The following GMPR variants were observed in gnomAD, a reference collection of about 807,000 sequenced individuals.
The protein encoded by GMPR is guanosine monophosphate reductase.
GMPR carries 31 observed loss-of-function variants against 38.4 expected under a neutral mutation model. That is an observed-to-expected ratio of 0.81 (90% CI 0.61 to 1.09). The LOEUF is 1.09. GMPR is among the 50% of genes least tolerant of loss of function. The probability of loss-of-function intolerance (pLI) is 0.00; values close to 1 mark genes in which losing one functional copy is unlikely to be tolerated. For missense variants in GMPR, 468 were observed against 453.7 expected (o/e 1.03, Z -0.29); for synonymous variants, 162 against 173.3 (o/e 0.93, Z 0.51).
chr6:16,285,046 A>C (rs1334257594), intron 6 of GMPR, among the ~76,000 whole-genome samples: 2 of 148,242 alleles, frequency 1.3e-5, no homozygotes, highest in Non-Finnish European at 3.0e-5. Flanking sequence ...AAAAAAAAAA[A>C]CAGAAAAGAA....
chr6:16,264,729 G>C (rs1213589441), intron 4 of GMPR, among the ~76,000 whole-genome samples: 3 of 152,138 alleles, frequency 2.0e-5, no homozygotes, highest in African/African-American at 7.2e-5. Context: ...GATGAGCCAG[G>C]AGAAGGAATT....
At chr6:16,267,928 T>A (rs188363976) in intron 4 of GMPR, among the ~76,000 whole-genome samples, 1 of 152,368 alleles carries the variant, frequency 6.6e-6, no homozygotes, top group East Asian at 1.9e-4. Flanking sequence ...GCATGACTGA[T>A]GGCTCATTGG....
chr6:16,292,034 G>T (rs1759848825), intron 8 of GMPR, among the ~76,000 whole-genome samples: 1 of 152,170 alleles, frequency 6.6e-6, no homozygotes, highest in South Asian at 2.1e-4. Context: ...CAGGAGCAAA[G>T]GTTCTCCATC....
At chr6:16,239,707 CATAA>C (rs1174177301) in intron 1 of GMPR, among the ~76,000 whole-genome samples, 1 of 152,238 alleles carries the variant, frequency 6.6e-6, no homozygotes, top group Admixed American at 6.5e-5. Flanking sequence ...CAAACAAGAC[CATAA>C]ATAAATCCCC....
At chr6:16,285,732 G>C (rs1234476771) in intron 6 of GMPR, 61 bp from the exon 7 acceptor site, 1 of 1,413,714 alleles carries the variant, frequency 7.1e-7, no homozygotes, top group East Asian at 2.3e-5. Flanking sequence ...TCTGGGGGGA[G>C]GGGACAGCCT....
intron 4 of GMPR, among the ~76,000 whole-genome samples, chr6:16,260,534 G>T (rs1399624988): frequency 6.6e-6 from 1 of 151,998 alleles, no homozygotes; most frequent in Non-Finnish European, 1.5e-5. Context: ...GCAAATCCTC[G>T]AGCTTGATGT....
chr6:16,265,914 T>C (rs1171034221), intron 4 of GMPR, among the ~76,000 whole-genome samples: 2 of 152,148 alleles, frequency 1.3e-5, no homozygotes, highest in African/African-American at 4.8e-5. Context: ...AGATGTGCAG[T>C]TTCACTCCTG....
chr6:16,275,294 C>T (rs1759453788), intron 5 of GMPR, among the ~76,000 whole-genome samples: 1 of 152,130 alleles, frequency 6.6e-6, no homozygotes, highest in African/African-American at 2.4e-5. Context: ...ATCTCATACC[C>T]AAATGACACT....
chr6:16,290,373 A>G (rs1318759475), intron 7 of GMPR, 89 bp from the exon 8 acceptor site: 2 of 1,180,958 alleles, frequency 1.7e-6, no homozygotes, highest in Non-Finnish European at 2.5e-6. Context: ...GAGGGAGGTG[A>G]ACTGGGCAAG....
At position 16,265,807 on chromosome 6, in the gene GMPR, C is replaced by G. The variant is rs183915356; in HGVS notation, c.466-8608C>G. Among the ~76,000 whole-genome samples, 196 of 152,356 alleles carry G rather than the reference C, an allele frequency of 1.3e-3. 1 individual carries two copies. The highest frequency in any genetic ancestry group is 6.0e-3 in the South Asian group (29 of 4,832). ...TGGAGCCAGCCCGGATAACCCACTCCGGAACCCTTCCACGCCATGGAGGTT... is the reference window on the plus strand; with the variant it reads ...TGGAGCCAGCCCGGATAACCCACTCGGGAACCCTTCCACGCCATGGAGGTT... On this transcript the variant is annotated intron_variant, in intron 4 of 8. Transcript: ENST00000259727.
chr6:16,238,958 C>T (rs572544761), intron 1 of GMPR, among the ~76,000 whole-genome samples, 178 bp downstream of exon 1: 20 of 152,066 alleles, frequency 1.3e-4, no homozygotes, highest in Admixed American at 2.0e-4. Flanking sequence ...TCTTTAAGGG[C>T]GGTGATACGG....
chr6:16,266,215 G>C (rs1003955893), intron 4 of GMPR, among the ~76,000 whole-genome samples: 1 of 150,240 alleles, frequency 6.7e-6, no homozygotes, highest in Non-Finnish European at 1.5e-5. Flanking sequence ...TCGCTGCGAA[G>C]AATGAAGAAC....
intron 4 of GMPR, among the ~76,000 whole-genome samples, chr6:16,271,917 A>C (rs1370977878): frequency 2.6e-5 from 4 of 152,162 alleles, no homozygotes; most frequent in Non-Finnish European, 5.9e-5. Context: ...CCATGCTGTC[A>C]AACCACTCTT....
chr6:16,290,680 T>C, intron 8 of GMPR, 59 bp downstream of exon 8: 2 of 1,483,298 alleles, frequency 1.3e-6, no homozygotes, highest in Non-Finnish European at 9.4e-7. Context: ...CTTACGGAGA[T>C]GGGATGGAAG....
At chr6:16,289,038 C>CA (rs1759761886) in intron 7 of GMPR, among the ~76,000 whole-genome samples, 1 of 152,198 alleles carries the variant, frequency 6.6e-6, no homozygotes, top group Non-Finnish European at 1.5e-5. Flanking sequence ...CCAGCAGTGG[C>CA]AAACCCTTCT....
At chr6:16,291,106 C>T (rs986118237) in intron 8 of GMPR, among the ~76,000 whole-genome samples, 3 of 152,206 alleles carry the variant, frequency 2.0e-5, no homozygotes, top group African/African-American at 4.8e-5. Flanking sequence ...CAGCTCATAC[C>T]GCTTCTCACC....
At chr6:16,247,003 CTG>C in intron 2 of GMPR, 42 bp downstream of exon 2, 1 of 1,598,724 alleles carries the variant, frequency 6.3e-7, no homozygotes, top group African/African-American at 1.3e-5. Context: ...GCTGCTCACA[CTG>C]TGGACAGGTT....
intron 3 of GMPR, among the ~76,000 whole-genome samples, chr6:16,250,670 G>A (rs150845049): frequency 6.6e-6 from 1 of 152,290 alleles, no homozygotes; most frequent in East Asian, 1.9e-4. Context: ...TCTTTTGGCT[G>A]TAGAAAAAAC....
intron 5 of GMPR, among the ~76,000 whole-genome samples, 185 bp from the exon 6 acceptor site, chr6:16,278,599 C>T (rs993531614): frequency 6.6e-6 from 1 of 152,158 alleles, no homozygotes; most frequent in African/African-American, 2.4e-5. Flanking sequence ...GGTGCATGAC[C>T]AGGTGGTGTG....
Sources: gnomAD v4.1 joint callset for allele counts (sites outside exome capture counted in the v4.1 genomes callset) on GRCh38, gnomAD v4.1.1 for gene constraint, MANE v1.5 for transcripts, NCBI Gene and HGNC (gene_info 2026-07-23, HGNC 2026-07-21) for gene names.